IP6K2: variants seen among roughly 807,000 people sequenced by gnomAD.
IP6K2 encodes the protein inositol hexakisphosphate kinase 2.
A neutral mutation model predicts 43.3 loss-of-function variants in IP6K2; 9 were observed. The ratio of observed to expected loss-of-function variants is 0.21; its 90% CI spans 0.13 to 0.36. The LOEUF is 0.36. IP6K2 is among the 10% of genes least tolerant of loss of function. The pLI, the probability that IP6K2 is intolerant of heterozygous loss-of-function variation, is 1.00. For missense variants in IP6K2, 332 were observed against 538.4 expected (o/e 0.62, Z 3.79); for synonymous variants, 209 against 202.4 (o/e 1.03, Z -0.28).
chr3:48,695,339 C>A lies in IP6K2; in HGVS notation c.-48G>T, dbSNP rs752539825. ...AGATGGGGGAGGCAGCGGAGTCCAG[C>A]GGCCAGTACGTCTTCTGTCTGTTGT... On this transcript the variant is annotated 5_prime_UTR_variant, in exon 2 of 6. Coordinates refer to ENST00000328631, the MANE Select transcript of IP6K2 (RefSeq NM_016291.4). This position sits in a 1 kb window ranked among gnomAD's most constrained non-coding sequence, Gnocchi z 4.6. 1.9e-6 allele frequency: 3 copies of A among 1,568,322 alleles called. No individual in the cohort carries two copies. The highest frequency in any genetic ancestry group is 1.4e-5 in the African/African-American group (1 of 73,736).
chr3:48,706,435 G>A (rs2106975436), intron 1 of IP6K2, among the ~76,000 whole-genome samples: 2 of 152,148 alleles, frequency 1.3e-5, no homozygotes. Context: ...GCATGACTGA[G>A]TGAGATCCTA....
intron 1 of IP6K2, among the ~76,000 whole-genome samples, chr3:48,715,912 A>G (rs1225832454): frequency 6.6e-6 from 1 of 150,620 alleles, no homozygotes; most frequent in Non-Finnish European, 1.5e-5. Flanking sequence ...ATGACAGTTA[A>G]CAGTTTAACT....
At chr3:48,712,095 T>C (rs558174194) in intron 1 of IP6K2, among the ~76,000 whole-genome samples, 2 of 152,060 alleles carry the variant, frequency 1.3e-5, no homozygotes, top group South Asian at 2.1e-4. Context: ...AGCAATACCA[T>C]GTAGAAAAGG....
intron 1 of IP6K2, among the ~76,000 whole-genome samples, chr3:48,714,120 AAAAACAAAAC>A (rs567187645): frequency 1.3e-5 from 2 of 152,232 alleles, no homozygotes; most frequent in African/African-American, 4.8e-5. Context: ...CCGTCTCATT[AAAAACAAAAC>A]AAAACAAAAC....
chr3:48,711,371 A>G (rs1163055119), intron 1 of IP6K2: 2 of 152,208 alleles, frequency 1.3e-5, no homozygotes, highest in South Asian at 2.1e-4. Flanking sequence ...ACTAACCCAT[A>G]AAGTCTTCAA....
At chr3:48,703,785 A>C (rs1257012809) in intron 1 of IP6K2, among the ~76,000 whole-genome samples, 1 of 151,142 alleles carries the variant, frequency 6.6e-6, no homozygotes, top group Non-Finnish European at 1.5e-5. Context: ...AAATATAAAA[A>C]TATTTTTTAA....
chr3:48,700,983 C>G (rs951894879), intron 1 of IP6K2, among the ~76,000 whole-genome samples: 2 of 152,190 alleles, frequency 1.3e-5, no homozygotes, highest in African/African-American at 4.8e-5. Flanking sequence ...CAATGCAAAG[C>G]CACTTTGGAA....
chr3:48,707,978 G>A (rs2080011935), intron 1 of IP6K2: 1 of 152,122 alleles, frequency 6.6e-6, no homozygotes, highest in Admixed American at 6.5e-5. Flanking sequence ...ACAGACTAGA[G>A]GGCTCCAAGG....
rs993201589 is a variant in IP6K2, at chr3:48,689,349, C to T, written c.780+189G>A. On this transcript the variant is annotated intron_variant, in intron 5 of 5. Transcript: ENST00000328631. ...TGTATTTTTAGCAGAGACAGGGTTT[C>T]GCCATGTTGCCTGGGCTGGTCTCTA... Among the ~76,000 whole-genome samples the T allele has an allele frequency of 5.3e-5, 8 of 152,118 alleles. No homozygotes were observed. The East Asian group carries it at 5.8e-4, about 11-fold the overall frequency.
intron 1 of IP6K2, among the ~76,000 whole-genome samples, chr3:48,702,449 C>T (rs963106321): frequency 6.8e-6 from 1 of 147,026 alleles, no homozygotes; most frequent in Non-Finnish European, 1.5e-5. Flanking sequence ...GTCACCCCCC[C>T]TTTTTTTTTT....
chr3:48,705,304 G>GC lies in IP6K2; in HGVS notation c.-130-9884dup, dbSNP rs961095675. The stretch of plus-strand genomic sequence containing the variant: ...ACTACTGGCCTCAAGTGATCTGCCC[G>GC]CGTCAGCCTCCCAAAGTGCTGGGAT... On this transcript the variant is annotated intron_variant, in intron 1 of 5. Transcript: ENST00000328631. Among the ~76,000 whole-genome samples the GC allele has an allele frequency of 6.1e-4, 93 of 152,134 alleles. 1 individual carries two copies. Among genetic ancestry groups the GC allele is most frequent in the African/African-American group, 2.0e-3 (85 of 41,554 alleles).
At position 48,688,841 on chromosome 3, in the gene IP6K2, G is replaced by A. The variant is rs1279101925; in HGVS notation, c.781-68C>T. Reference sequence around the variant, plus strand: ...CAAACCCTGGACCCCGGGCGGGGGTGGGGTGGTGTGGTGGTGGCGGCATGT... The same window carrying A: ...CAAACCCTGGACCCCGGGCGGGGGTAGGGTGGTGTGGTGGTGGCGGCATGT... On this transcript the variant is annotated intron_variant, in intron 5 of 5. Coordinates refer to ENST00000328631, the MANE Select transcript of IP6K2 (RefSeq NM_016291.4). The surrounding 1 kb of genome is among the most constrained non-coding windows in gnomAD (Gnocchi z 5.1). The A allele has an allele frequency of 7.9e-6, 12 of 1,516,224 alleles. No individual in the cohort carries two copies. Among genetic ancestry groups the A allele is most frequent in the Middle Eastern group, 3.9e-4 (2 of 5,092 alleles). 93.9% of individuals were successfully genotyped at this position (1,516,224 alleles called of 1,614,324 possible).
In IP6K2 at chr3:48,689,722, TTAAGAA is replaced by T. The variant is rs1178487597; in HGVS notation, c.605-15_605-10del. 1.9e-6 allele frequency: 3 copies of T among 1,611,886 alleles called. No homozygotes were observed. The highest frequency in any genetic ancestry group is 2.5e-6 in the Non-Finnish European group (3 of 1,178,216). On this transcript the variant is annotated splice_polypyrimidine_tract_variant and intron_variant, in intron 4 of 5. Transcript: ENST00000328631. ...TTCCAGTAAGATAAATTCTGAGTAG[TTAAGAA>T]TAATACCCCCAAAAGGAAGTGCTAC... is the stretch of plus-strand genomic sequence containing the variant.
chr3:48,694,017 C>T (rs76398786), intron 2 of IP6K2: 60,231 of 1,399,238 alleles, frequency 0.043, 1,520 homozygotes, highest in Non-Finnish European at 0.051. Flanking sequence ...ACCTTTCCTC[C>T]CAGGCCTCTC....
chr3:48,708,726 A>G (rs1017315406), intron 1 of IP6K2, among the ~76,000 whole-genome samples: 13 of 152,200 alleles, frequency 8.5e-5, no homozygotes, highest in African/African-American at 2.2e-4. Flanking sequence ...GTCTCAATCT[A>G]TGAGGGATTT....
intron 3 of IP6K2, among the ~76,000 whole-genome samples, chr3:48,692,193 C>CA (rs1412842039): frequency 1.3e-5 from 2 of 152,210 alleles, no homozygotes; most frequent in African/African-American, 4.8e-5. Flanking sequence ...ACCGTGTAAA[C>CA]ATCTGCCAAA....
At chr3:48,691,685 G>A (rs940190049) in intron 3 of IP6K2, among the ~76,000 whole-genome samples, 1 of 152,004 alleles carries the variant, frequency 6.6e-6, no homozygotes, top group African/African-American at 2.4e-5. Flanking sequence ...GCGTGGTGGT[G>A]TGCTCGGGAG....
Position 48,694,655 on chromosome 3 carries a change from C to T in IP6K2, c.202+435G>A, listed in dbSNP as rs182441058. ...GGCTAATCAGCACAGGCCTCCCACTCCTGCATTCCATCTGACTCAACGCTG... is the reference window on the plus strand; with the variant it reads ...GGCTAATCAGCACAGGCCTCCCACTTCTGCATTCCATCTGACTCAACGCTG... On this transcript the variant is annotated intron_variant, in intron 2 of 5. Transcript: ENST00000328631. 4.7e-4 allele frequency: 702 copies of T among 1,508,104 alleles called. 4 individuals carry two copies. The Admixed American group carries it at 0.014, about 29-fold the overall frequency. 93.4% of individuals were successfully genotyped at this position (1,508,104 alleles called of 1,614,324 possible).
intron 4 of IP6K2, among the ~76,000 whole-genome samples, chr3:48,690,137 G>A (rs772940001): frequency 2.0e-5 from 3 of 152,154 alleles, no homozygotes; most frequent in Non-Finnish European, 2.9e-5. Context: ...CTCTTTAAAC[G>A]TCTGCTTCTC....
Sources: gnomAD v4.1 joint callset for allele counts (sites outside exome capture counted in the v4.1 genomes callset) on GRCh38, gnomAD v4.1.1 for gene constraint, Gnocchi (gnomAD v3.1) non-coding constraint, MANE v1.5 for transcripts, NCBI Gene and HGNC (gene_info 2026-07-23, HGNC 2026-07-21) for gene names.